The following SCHIP1 variants were observed in gnomAD, a reference collection of about 807,000 sequenced individuals.
The protein encoded by SCHIP1 is schwannomin-interacting protein 1.
In SCHIP1, 8 loss-of-function variants were observed where a neutral mutation model predicts 29.7. That is an observed-to-expected ratio of 0.27 (90% CI 0.16 to 0.49). SCHIP1 has a LOEUF of 0.49. SCHIP1 is among the 20% of genes least tolerant of loss of function. SCHIP1 has a pLI of 0.99. For missense variants in SCHIP1, 193 were observed against 294.6 expected (o/e 0.66, Z 2.52); for synonymous variants, 76 against 94.9 (o/e 0.80, Z 1.16).
At chr3:159,707,241 G>C in the SCHIP1 span, among the ~76,000 whole-genome samples, 1 of 152,140 alleles carries the variant, frequency 6.6e-6, no homozygotes, top group African/African-American at 2.4e-5. Context: ...GAGCGGTCAA[G>C]ATCATTGAAT....
At chr3:159,536,121 A>C in the SCHIP1 span, among the ~76,000 whole-genome samples, 3 of 152,216 alleles carry the variant, frequency 2.0e-5, no homozygotes, top group Admixed American at 6.5e-5. Context: ...AACAGCAAAG[A>C]CATGGAACAT....
chr3:159,631,653 G>A, the SCHIP1 span, among the ~76,000 whole-genome samples: 4 of 152,232 alleles, frequency 2.6e-5, no homozygotes, highest in African/African-American at 9.6e-5. Context: ...TAGAATAGAG[G>A]TTACCAGGGG....
chr3:159,452,240 T>A, the SCHIP1 span, among the ~76,000 whole-genome samples: 6 of 151,828 alleles, frequency 4.0e-5, no homozygotes, highest in African/African-American at 1.5e-4. Context: ...TCTCAACCCA[T>A]CATCTAGGTT....
chr3:159,321,401 A>G, the SCHIP1 span, among the ~76,000 whole-genome samples: 1 of 152,348 alleles, frequency 6.6e-6, no homozygotes, highest in African/African-American at 2.4e-5. Flanking sequence ...GCTGAGAAAT[A>G]AATACTTCTG....
chr3:159,585,475 A>T, the SCHIP1 span, among the ~76,000 whole-genome samples: 2 of 152,140 alleles, frequency 1.3e-5, no homozygotes, highest in Non-Finnish European at 2.9e-5. Context: ...AAGGATGGAG[A>T]TAAAAGGTAG....
the SCHIP1 span, among the ~76,000 whole-genome samples, chr3:159,672,653 C>T: frequency 1.3e-5 from 2 of 152,122 alleles, no homozygotes; most frequent in Admixed American, 6.5e-5. Flanking sequence ...ATGCACAGGA[C>T]AGCCCCTCAC....
the SCHIP1 span, among the ~76,000 whole-genome samples, chr3:159,679,899 C>T: frequency 1.3e-5 from 2 of 152,168 alleles, no homozygotes; most frequent in Non-Finnish European, 2.9e-5. Context: ...CCTTTGCCCA[C>T]ATTTGTCCCT....
chr3:159,360,315 T>G, the SCHIP1 span, among the ~76,000 whole-genome samples: 1 of 152,232 alleles, frequency 6.6e-6, no homozygotes, highest in Non-Finnish European at 1.5e-5. Flanking sequence ...CTTTTTCTGG[T>G]GTACAGTTGC....
At chr3:159,518,442 T>G in the SCHIP1 span, among the ~76,000 whole-genome samples, 3 of 152,156 alleles carry the variant, frequency 2.0e-5, no homozygotes, top group Non-Finnish European at 4.4e-5. Context: ...ATAAAATATA[T>G]TTTTCACTAT....
the SCHIP1 span, among the ~76,000 whole-genome samples, chr3:159,626,148 ATATATATAT>A: frequency 8.8e-6 from 1 of 114,086 alleles, no homozygotes; most frequent in Non-Finnish European, 1.6e-5. Flanking sequence ...ATATATCTAG[ATATATATAT>A]ATATCTAGAT....
the SCHIP1 span, among the ~76,000 whole-genome samples, chr3:159,713,732 T>C: frequency 2.0e-5 from 3 of 152,146 alleles, no homozygotes; most frequent in African/African-American, 7.2e-5. Flanking sequence ...CCAATACATA[T>C]GGTGGGGGTT....
the SCHIP1 span, among the ~76,000 whole-genome samples, chr3:159,345,904 C>T: frequency 6.6e-6 from 1 of 152,072 alleles, no homozygotes; most frequent in African/African-American, 2.4e-5. Flanking sequence ...TGAAAAACTC[C>T]ATTAGTTGGC....
chr3:159,829,932 AT>A, the SCHIP1 span, among the ~76,000 whole-genome samples: 3 of 152,246 alleles, frequency 2.0e-5, no homozygotes, highest in African/African-American at 7.2e-5. Flanking sequence ...ACTCTGTCTT[AT>A]CTTGTTTATA....
the SCHIP1 span, among the ~76,000 whole-genome samples, chr3:159,772,331 A>G: frequency 1.3e-5 from 2 of 152,098 alleles, no homozygotes; most frequent in Non-Finnish European, 2.9e-5. Context: ...CTTTTTAGGG[A>G]TGGGGTTTCT....
the SCHIP1 span, among the ~76,000 whole-genome samples, chr3:159,372,259 C>T: frequency 4.0e-4 from 61 of 151,866 alleles, 1 homozygote; most frequent in African/African-American, 1.4e-3. Context: ...CTCAAGTGTA[C>T]AAATTGTTAA....
the SCHIP1 span, among the ~76,000 whole-genome samples, chr3:159,829,788 G>C: frequency 6.6e-6 from 1 of 152,180 alleles, no homozygotes; most frequent in African/African-American, 2.4e-5. Flanking sequence ...TCAGTGCCAG[G>C]TTAGGATCAG....
At chr3:159,409,303 G>GA in the SCHIP1 span, among the ~76,000 whole-genome samples, 4,101 of 149,506 alleles carry the variant, frequency 0.027, 74 homozygotes, top group East Asian at 0.11. Context: ...TCAGACAATA[G>GA]AAAAAAAAAG....
chr3:159,446,237 C>CA, the SCHIP1 span, among the ~76,000 whole-genome samples: 1 of 151,984 alleles, frequency 6.6e-6, no homozygotes, highest in East Asian at 1.9e-4. Flanking sequence ...CACACACACA[C>CA]ATATGCCCAC....
the SCHIP1 span, among the ~76,000 whole-genome samples, chr3:159,470,677 T>G: frequency 3.3e-5 from 5 of 152,052 alleles, no homozygotes; most frequent in Admixed American, 2.6e-4. Flanking sequence ...TCCTCTCAAA[T>G]CTGTCTGTCT....
Sources: allele counts gnomAD v4.1 joint callset (sites outside exome capture counted in the v4.1 genomes callset), GRCh38; gene constraint gnomAD v4.1.1; transcripts MANE v1.5; gene names NCBI Gene and HGNC (gene_info 2026-07-23, HGNC 2026-07-21).